GRK7: variants seen among roughly 807,000 people sequenced by gnomAD.
The protein encoded by GRK7 is rhodopsin kinase GRK7.
Under a neutral mutation model 34.1 loss-of-function variants are expected in GRK7, and 24 were observed. That is an observed-to-expected ratio of 0.70 (90% CI 0.51 to 0.99). The LOEUF (loss-of-function observed/expected upper bound fraction) is 0.99. Ranked by LOEUF, GRK7 falls within the 50% of genes least tolerant of loss-of-function variation. The pLI is 0.00. For missense variants in GRK7, 644 were observed against 707.3 expected (o/e 0.91, Z 1.02); for synonymous variants, 256 against 279.4 (o/e 0.92, Z 0.84).
At position 141,816,763 on chromosome 3, in the gene GRK7, T is replaced by C. The variant is rs1711158031; in HGVS notation, c.1375T>C (p.Phe459Leu). 2 of 1,565,580 alleles carry C rather than the reference T, an allele frequency of 1.3e-6. No individual in the cohort carries two copies. The highest frequency in any genetic ancestry group is 2.7e-5 in the African/African-American group (2 of 73,014). Residue 459 changes from phenylalanine to leucine, a missense_variant, in exon 6 of 6, where the codon TTT (phenylalanine) becomes CTT (leucine). Coordinates refer to ENST00000682958, the MANE Select transcript of GRK7 (RefSeq NM_139209.3). ...ACATCATTTCTTTAAAACGATCAAC[T>C]TTCCTCGCCTGGAAGCTGGCCTAAT... ...RKHHFFKTINFPRLEAGLIEP... is the reference protein window; with the variant it reads ...RKHHFFKTINLPRLEAGLIEP...
At chr3:141,815,226 G>GTTT (rs758074179) in intron 5 of GRK7, among the ~76,000 whole-genome samples, 1 of 104,254 alleles carries the variant, frequency 9.6e-6, no homozygotes, top group African/African-American at 4.1e-5. Flanking sequence ...TGTCTGGTTG[G>GTTT]TTTTTTTTGT....
chr3:141,754,246 C>G, the GRK7 span, among the ~76,000 whole-genome samples: 29 of 152,298 alleles, frequency 1.9e-4, no homozygotes, highest in African/African-American at 6.5e-4. Context: ...AGAAACTAGG[C>G]TTTCTGCTGT....
At chr3:141,811,493 C>A (rs1053146513) in intron 5 of GRK7, among the ~76,000 whole-genome samples, 1 of 152,134 alleles carries the variant, frequency 6.6e-6, no homozygotes, top group Non-Finnish European at 1.5e-5. Flanking sequence ...CTTCCTCAAG[C>A]AAAGCCTTTT....
chr3:141,750,895 A>G, the GRK7 span, among the ~76,000 whole-genome samples: 1 of 151,902 alleles, frequency 6.6e-6, no homozygotes, highest in African/African-American at 2.4e-5. Flanking sequence ...TGCTCAAGGG[A>G]GTGCAGTGGC....
chr3:141,808,546 G>A (rs904195729), intron 5 of GRK7, among the ~76,000 whole-genome samples: 1 of 151,644 alleles, frequency 6.6e-6, no homozygotes, highest in Non-Finnish European at 1.5e-5. Flanking sequence ...AACCCCATCT[G>A]TAATAAAACT....
the GRK7 span, among the ~76,000 whole-genome samples, chr3:141,756,007 T>TA: frequency 2.5e-5 from 3 of 119,240 alleles, no homozygotes; most frequent in East Asian, 6.0e-4. Context: ...ACTCAGCAGT[T>TA]TAAAAAAAAA....
chr3:141,771,215 G>C (rs749362573), intron 1 of GRK7, among the ~76,000 whole-genome samples: 1 of 139,054 alleles, frequency 7.2e-6, no homozygotes, highest in South Asian at 2.2e-4. Flanking sequence ...GTGTGTGCAC[G>C]TGTGTGTGTG....
rs1313449000 is a variant in GRK7 at position 141,796,532 on chromosome 3, C to T, written c.1051-11113C>T. 7.9e-5 allele frequency among the ~76,000 whole-genome samples: 12 copies of T among 152,322 alleles called. No individual in the cohort carries two copies. The South Asian group carries it at 2.3e-3, about 29-fold the overall frequency. ...GTGACCTCTGCAGCTGTGCTTTGTT[C>T]TCTGCGAGGCACAGGGAGCCAGCGG... On this transcript the variant is annotated intron_variant, in intron 4 of 5. Transcript: ENST00000682958.
rs759986205 is a variant in GRK7, at chr3:141,778,245, C to G, written c.-40C>G. The stretch of plus-strand genomic sequence containing the variant: ...GGAAAGCAGCCAGCAGCCCTCCAGC[C>G]CTCTTGTGCTTTCCCTGGGAGTGCG... On this transcript the variant is annotated 5_prime_UTR_variant, in exon 3 of 6. Transcript: ENST00000682958. This position sits in a 1 kb window ranked among gnomAD's most constrained non-coding sequence, Gnocchi z 4.1. 1 of 1,522,494 alleles carries G rather than the reference C, an allele frequency of 6.6e-7. No homozygotes were observed. The highest frequency in any genetic ancestry group is 8.8e-7 in the Non-Finnish European group (1 of 1,135,688). 94.3% of individuals were successfully genotyped at this position (1,522,494 alleles called of 1,614,324 possible).
chr3:141,778,362 C>T lies in GRK7; in HGVS notation c.78C>T (p.Asp26=), dbSNP rs527727725. The change falls in exon 3 of 6, where the codon GAC becomes GAT. Residue 26 remains aspartate (D), a synonymous_variant. Coordinates refer to ENST00000682958, the MANE Select transcript of GRK7 (RefSeq NM_139209.3). The surrounding 1 kb of genome is among the most constrained non-coding windows in gnomAD (Gnocchi z 4.1). ...YLQARKPSDC[D]SKELQRRRRS... is the part of the protein sequence containing the mutation. ...AGGCCCGGAAGCCCTCGGACTGCGA[C>T]AGCAAAGAGCTGCAGCGGCGGCGGC... 6.2e-7 allele frequency: 1 copy of T among 1,610,608 alleles called. No individual in the cohort carries two copies. Among genetic ancestry groups the T allele is most frequent in the Non-Finnish European group, 8.5e-7 (1 of 1,177,872 alleles).
chr3:141,757,185 C>T, the GRK7 span, among the ~76,000 whole-genome samples: 2 of 132,614 alleles, frequency 1.5e-5, no homozygotes, highest in Admixed American at 8.9e-5. Flanking sequence ...TTTTAGGGTA[C>T]ATGTGCACAT....
intron 1 of GRK7, among the ~76,000 whole-genome samples, chr3:141,771,714 T>G (rs2084617916): frequency 6.6e-6 from 1 of 152,084 alleles, no homozygotes; most frequent in South Asian, 2.1e-4. Context: ...AGACTGAGTG[T>G]TGCTTTGTCA....
intron 4 of GRK7, among the ~76,000 whole-genome samples, chr3:141,804,912 C>T (rs1181247110): frequency 1.3e-5 from 2 of 149,610 alleles, no homozygotes; most frequent in African/African-American, 2.4e-5. Context: ...TACGCATGCT[C>T]ACACACACAT....
intron 2 of GRK7, among the ~76,000 whole-genome samples, chr3:141,776,131 C>T (rs2084637537): frequency 1.3e-5 from 2 of 151,522 alleles, no homozygotes; most frequent in South Asian, 4.2e-4. Context: ...AAACAAAATA[C>T]AAAAAATTAG....
At position 141,765,736 on chromosome 3, in the gene GRK7, C is replaced by T. The variant is rs2084577863; in HGVS notation, c.-217C>T. Reference sequence around the variant, plus strand: ...CTGAATGCAACCATAAGAGTGAGTCCAGGTGAGACCAGCAAAGAGCTGCCC... The same window carrying T: ...CTGAATGCAACCATAAGAGTGAGTCTAGGTGAGACCAGCAAAGAGCTGCCC... On this transcript the variant is annotated splice_region_variant and 5_prime_UTR_variant, in exon 1 of 6. Transcript: ENST00000682958. Among the ~76,000 whole-genome samples, 1 of 152,126 alleles carries T rather than the reference C, an allele frequency of 6.6e-6. No homozygotes were observed. Among genetic ancestry groups the T allele is most frequent in the Admixed American group, 6.5e-5 (1 of 15,268 alleles).
the GRK7 span, among the ~76,000 whole-genome samples, chr3:141,753,711 C>CTAAA: frequency 6.6e-6 from 1 of 152,300 alleles, no homozygotes. Context: ...TATTATACTG[C>CTAAA]TGTCATATCT....
At chr3:141,776,219 G>A (rs953811887) in intron 2 of GRK7, among the ~76,000 whole-genome samples, 5 of 151,866 alleles carry the variant, frequency 3.3e-5, no homozygotes, top group Non-Finnish European at 7.4e-5. Context: ...CCCAGGAGGC[G>A]GAGTTTGCAG....
At chr3:141,795,965 A>G (rs1261063924) in intron 4 of GRK7, among the ~76,000 whole-genome samples, 1 of 152,170 alleles carries the variant, frequency 6.6e-6, no homozygotes, top group African/African-American at 2.4e-5. Context: ...GTCATGTGAC[A>G]TGATACAGTT....
chr3:141,796,872 C>G lies in GRK7; in HGVS notation c.1051-10773C>G, dbSNP rs1004041499. Among the ~76,000 whole-genome samples the G allele has an allele frequency of 9.8e-5, 15 of 152,304 alleles. 1 individual carries two copies. The highest frequency in any genetic ancestry group is 3.6e-4 in the African/African-American group (15 of 41,562). On this transcript the variant is annotated intron_variant, in intron 4 of 5. Transcript: ENST00000682958. ...CTGCCTGAGACAACCAGAACCCAGG[C>G]ATGGTAACAACAGCCGCTAATACAT...
Sources: gnomAD v4.1 joint callset for allele counts (sites outside exome capture counted in the v4.1 genomes callset) on GRCh38, gnomAD v4.1.1 for gene constraint, Gnocchi (gnomAD v3.1) non-coding constraint, MANE v1.5 for transcripts, NCBI Gene and HGNC (gene_info 2026-07-23, HGNC 2026-07-21) for gene names.